The following MTCL1 variants were observed in gnomAD, a reference collection of about 807,000 sequenced individuals.
MTCL1 encodes microtubule crosslinking factor 1, also known as microtubule cross-linking factor 1.
In MTCL1, 79 loss-of-function variants were observed where a neutral mutation model predicts 141.4. The ratio of observed to expected loss-of-function variants is 0.56; its 90% CI spans 0.47 to 0.67. The LOEUF (loss-of-function observed/expected upper bound fraction) is 0.67. Among genes scored for constraint, MTCL1 ranks in the 30% least tolerant of loss-of-function variants. MTCL1 has a pLI of 0.00. For synonymous variants in MTCL1, 914 were observed against 875.8 expected (o/e 1.04, Z -0.77); for missense variants, 2,177 against 2,113.9 (o/e 1.03, Z -0.59).
At chr18:8,814,982 G>A (rs2076604103) in intron 12 of MTCL1, among the ~76,000 whole-genome samples, 1 of 152,218 alleles carries the variant, frequency 6.6e-6, no homozygotes, top group Non-Finnish European at 1.5e-5. Context: ...ACAGGTGCTG[G>A]AGAGGATGTG....
chr18:8,734,940 A>C (rs146831764), intron 4 of MTCL1, among the ~76,000 whole-genome samples: 315 of 152,210 alleles, frequency 2.1e-3, no homozygotes, highest in Non-Finnish European at 3.9e-3. Context: ...CCACCAGGAG[A>C]GGGTCTGGGA....
exon 6 of MTCL1, chr18:8,784,273 C>CGAGAGTGATGCGGGCAAGAAG: frequency 2.5e-6 from 4 of 1,596,764 alleles, no homozygotes; most frequent in Non-Finnish European, 3.4e-6. Context: ...ACAGCGATGC[C>CGAGAGTGATGCGGGCAAGAAG]GAGAGTGATG....
chr18:8,826,807 CAT>C (rs1157856450), intron 15 of MTCL1, among the ~76,000 whole-genome samples: 7 of 152,332 alleles, frequency 4.6e-5, no homozygotes, highest in South Asian at 4.1e-4. Context: ...CCAAGTGAAA[CAT>C]ATAGACAAAA....
chr18:8,720,153 ATGT>A (rs756766009), intron 3 of MTCL1, 182 bp from the exon 3 acceptor site: 51 of 586,834 alleles, frequency 8.7e-5, no homozygotes, highest in Middle Eastern at 3.6e-4. Context: ...TTTAGCCCAG[ATGT>A]TGATTTCATT....
At chr18:8,785,578 C>T (rs1466012107) in intron 6 of MTCL1, 3 of 249,892 alleles carry the variant, frequency 1.2e-5, no homozygotes, top group South Asian at 5.7e-5. Context: ...CCTCGTTTTC[C>T]GTTTCCTTCA....
exon 6 of MTCL1, chr18:8,783,571 A>G (rs1387086887): frequency 6.2e-7 from 1 of 1,610,050 alleles, no homozygotes; most frequent in Non-Finnish European, 8.5e-7. Context: ...AGTTTGCCAA[A>G]GAGGAAGCCT....
At chr18:8,766,303 A>T (rs575745466) in intron 4 of MTCL1, among the ~76,000 whole-genome samples, 1 of 148,084 alleles carries the variant, frequency 6.8e-6, no homozygotes, top group South Asian at 2.2e-4. Context: ...GTGTGAGCTG[A>T]TCCACCGAGC....
At chr18:8,818,356 T>C (rs79836890) in intron 12 of MTCL1, among the ~76,000 whole-genome samples, 1 of 152,128 alleles carries the variant, frequency 6.6e-6, no homozygotes, top group Non-Finnish European at 1.5e-5. Context: ...TTTTTTTTTT[T>C]CTTCACTCAG....
chr18:8,829,373 C>G, intron 16 of MTCL1: 1 of 985,396 alleles, frequency 1.0e-6, no homozygotes, highest in Non-Finnish European at 1.2e-6. Flanking sequence ...CTGGCATGTG[C>G]TGAAATGAGG....
exon 6 of MTCL1, chr18:8,784,513 G>T (rs369116879): frequency 1.3e-6 from 2 of 1,599,646 alleles, no homozygotes; most frequent in Non-Finnish European, 1.7e-6. Context: ...TAGAGCGGAC[G>T]GTGGAGCGCC....
intron 6 of MTCL1, 82 bp from the exon 6 acceptor site, chr18:8,785,854 C>A (rs768614450): frequency 4.0e-6 from 6 of 1,499,406 alleles, no homozygotes. Flanking sequence ...TCCCTGCCTC[C>A]ACCCTTGTCC....
At chr18:8,783,779 C>G (rs766257022) in exon 6 of MTCL1, 3 of 1,613,168 alleles carry the variant, frequency 1.9e-6, no homozygotes, top group East Asian at 4.5e-5. Context: ...CATCTTGGGC[C>G]GGAAGATCGT....
intron 15 of MTCL1, 138 bp downstream of exon 14, chr18:8,826,370 G>A (rs2144508624): frequency 3.4e-6 from 3 of 877,768 alleles, no homozygotes; most frequent in Middle Eastern, 3.5e-4. Context: ...CTGGGGAGGT[G>A]TTAGGTTTAT....
In MTCL1 at chr18:8,804,949, T is replaced by C. The variant is rs2076243559; in HGVS notation, c.2437-1944T>C. ...GAGGCTGCAGTGAGCCGTGATCCACTGCATTCTAGCCTGGGTGACAGAGCG... is the reference window on the plus strand; with the variant it reads ...GAGGCTGCAGTGAGCCGTGATCCACCGCATTCTAGCCTGGGTGACAGAGCG... On this transcript the variant is annotated intron_variant, in intron 10 of 16. Transcript: ENST00000359865. 4.1e-5 allele frequency among the ~76,000 whole-genome samples: 6 copies of C among 146,726 alleles called. No individual in the cohort carries two copies. In the South Asian group the frequency reaches 1.3e-3, roughly 31 times the overall value.
intron 11 of MTCL1, among the ~76,000 whole-genome samples, chr18:8,808,464 A>G (rs2076376028): frequency 6.6e-6 from 1 of 152,196 alleles, no homozygotes; most frequent in Admixed American, 6.5e-5. Context: ...CCTCAGGGAG[A>G]GTGTCCCTAA....
chr18:8,750,873 C>G (rs577809512), intron 4 of MTCL1, among the ~76,000 whole-genome samples: 1 of 152,156 alleles, frequency 6.6e-6, no homozygotes, highest in African/African-American at 2.4e-5. Flanking sequence ...AAGCTGGTCC[C>G]CCTTTGGCAT....
intron 4 of MTCL1, among the ~76,000 whole-genome samples, chr18:8,726,506 C>T (rs1317546827): frequency 1.1e-5 from 1 of 87,438 alleles, no homozygotes; most frequent in Non-Finnish European, 2.6e-5. Flanking sequence ...CGCGCGCGCG[C>T]GCAAGAGCGA....
intron 10 of MTCL1, among the ~76,000 whole-genome samples, chr18:8,799,547 C>G (rs2076044632): frequency 6.6e-6 from 1 of 152,214 alleles, no homozygotes; most frequent in Non-Finnish European, 1.5e-5. Context: ...CAGCAATAAT[C>G]TAGTTAGAAA....
At chr18:8,829,837 C>T in intron 16 of MTCL1, 1 of 985,276 alleles carries the variant, frequency 1.0e-6, no homozygotes, top group Non-Finnish European at 1.2e-6. Context: ...GCATCGTTTG[C>T]TTGTACATGC....
Sources: allele counts gnomAD v4.1 joint callset (sites outside exome capture counted in the v4.1 genomes callset), GRCh38; gene constraint gnomAD v4.1.1; transcripts MANE v1.5; gene names NCBI Gene and HGNC (gene_info 2026-07-23, HGNC 2026-07-21).